NLK: variants seen among roughly 807,000 people sequenced by gnomAD.
NLK encodes the protein nemo like kinase.
NLK carries 11 observed loss-of-function variants against 59.0 expected under a neutral mutation model. The observed-to-expected ratio is 0.19, with a 90% CI of 0.12 to 0.31. The LOEUF is 0.31. Ranked by LOEUF, NLK falls within the 10% of genes least tolerant of loss-of-function variation. NLK has a pLI of 1.00. For missense variants in NLK, 410 were observed against 661.1 expected (o/e 0.62, Z 4.16); for synonymous variants, 235 against 235.9 (o/e 1.00, Z 0.03).
Position 28,111,046 on chromosome 17 carries a change from G to A in NLK, c.459-11557G>A, listed in dbSNP as rs543107727. 1.1e-4 allele frequency among the ~76,000 whole-genome samples: 17 copies of A among 151,908 alleles called. No homozygotes were observed. In the East Asian group the frequency reaches 1.4e-3, roughly 12 times the overall value. ...TTTTTAGTAGAGACGGGGTTTCACCGTTTTAGCCAGGATGGTCTCGATCTC... is the reference window on the plus strand; with the variant it reads ...TTTTTAGTAGAGACGGGGTTTCACCATTTTAGCCAGGATGGTCTCGATCTC... On this transcript the variant is annotated intron_variant, in intron 1 of 10. Coordinates refer to ENST00000407008, the MANE Select transcript of NLK (RefSeq NM_016231.5).
At chr17:28,181,722 A>C (rs1270476618) in intron 7 of NLK, among the ~76,000 whole-genome samples, 3 of 152,112 alleles carry the variant, frequency 2.0e-5, no homozygotes, top group Non-Finnish European at 2.9e-5. Flanking sequence ...CAAGACTCAC[A>C]CAAGGCTGGG....
chr17:28,188,939 G>T (rs1427077110), intron 8 of NLK, among the ~76,000 whole-genome samples: 3 of 151,766 alleles, frequency 2.0e-5, no homozygotes, highest in Non-Finnish European at 1.5e-5. Context: ...CAGTCTAAGA[G>T]CAGGTGTCTG....
At chr17:28,121,453 C>T (rs1906046936) in intron 1 of NLK, among the ~76,000 whole-genome samples, 1 of 145,622 alleles carries the variant, frequency 6.9e-6, no homozygotes, top group Non-Finnish European at 1.5e-5. Flanking sequence ...ACCAATTGGC[C>T]GTGTATACTC....
chr17:28,095,797 A>G (rs1904681212), intron 1 of NLK, among the ~76,000 whole-genome samples: 1 of 152,240 alleles, frequency 6.6e-6, no homozygotes, highest in Non-Finnish European at 1.5e-5. Flanking sequence ...TTACATTAAC[A>G]GTACAACCAG....
chr17:28,105,309 G>T (rs777664414), intron 1 of NLK, among the ~76,000 whole-genome samples: 2 of 152,150 alleles, frequency 1.3e-5, no homozygotes, highest in Admixed American at 6.5e-5. Flanking sequence ...GGTATAACAG[G>T]TGACTTCTCT....
intron 1 of NLK, among the ~76,000 whole-genome samples, chr17:28,108,243 A>G (rs1222980913): frequency 6.6e-6 from 1 of 152,162 alleles, no homozygotes; most frequent in Non-Finnish European, 1.5e-5. Context: ...TAATTAACAT[A>G]CATTCCTGAC....
chr17:28,169,603 C>G (rs543578597), intron 6 of NLK, among the ~76,000 whole-genome samples: 1 of 152,140 alleles, frequency 6.6e-6, no homozygotes, highest in South Asian at 2.1e-4. Flanking sequence ...AATGTAGTAA[C>G]TATGAGCTCA....
In NLK at chr17:28,183,200, C is replaced by T. The variant is rs561413430; in HGVS notation, c.1150-1979C>T. Among the ~76,000 whole-genome samples the T allele has an allele frequency of 7.2e-5, 11 of 152,258 alleles. No individual in the cohort carries two copies. In the East Asian group the frequency reaches 1.9e-3, roughly 27 times the overall value. Reference sequence around the variant, plus strand: ...CTTTAAGAAAAAGAAGAAGCAGCAGCACTTAGAGCTAATGGGAAGAGATCA... The same window carrying T: ...CTTTAAGAAAAAGAAGAAGCAGCAGTACTTAGAGCTAATGGGAAGAGATCA... On this transcript the variant is annotated intron_variant, in intron 7 of 10. Coordinates refer to ENST00000407008, the MANE Select transcript of NLK (RefSeq NM_016231.5).
At chr17:28,176,077 T>C (rs573381623) in intron 7 of NLK, among the ~76,000 whole-genome samples, 1 of 152,306 alleles carries the variant, frequency 6.6e-6, no homozygotes, top group South Asian at 2.1e-4. Context: ...GTGAACTGTA[T>C]AACACTTTAC....
intron 3 of NLK, among the ~76,000 whole-genome samples, chr17:28,137,244 T>C (rs1286934412): frequency 2.0e-5 from 3 of 152,184 alleles, no homozygotes; most frequent in Non-Finnish European, 4.4e-5. Context: ...ATTATGCTTT[T>C]AAGAAACTAT....
intron 8 of NLK, among the ~76,000 whole-genome samples, chr17:28,188,280 A>G (rs1046361661): frequency 6.6e-6 from 1 of 152,254 alleles, no homozygotes; most frequent in African/African-American, 2.4e-5. Flanking sequence ...TCACTGTGTT[A>G]TAAACAAAGC....
At chr17:28,184,998 G>A (rs1429800006) in intron 7 of NLK, among the ~76,000 whole-genome samples, 181 bp from the exon 8 acceptor site, 2 of 151,894 alleles carry the variant, frequency 1.3e-5, no homozygotes, top group African/African-American at 2.4e-5. Flanking sequence ...AAAATGCTAC[G>A]GGAAGTTAGT....
chr17:28,117,843 G>A (rs141477720), intron 1 of NLK, among the ~76,000 whole-genome samples: 59 of 152,180 alleles, frequency 3.9e-4, no homozygotes, highest in African/African-American at 1.3e-3. Flanking sequence ...ATGAGAATCC[G>A]TTTTTTATTT....
At chr17:28,176,731 A>G (rs867355508) in intron 7 of NLK, among the ~76,000 whole-genome samples, 8 of 152,242 alleles carry the variant, frequency 5.3e-5, no homozygotes, top group African/African-American at 1.9e-4. Flanking sequence ...ACAGCAAGTT[A>G]GTTATCTGCA....
At chr17:28,054,890 T>TA (rs1909384587) in intron 1 of NLK, among the ~76,000 whole-genome samples, 1 of 151,986 alleles carries the variant, frequency 6.6e-6, no homozygotes, top group African/African-American at 2.4e-5. Flanking sequence ...CTACAGAAAA[T>TA]AAAAAATAAA....
intron 3 of NLK, among the ~76,000 whole-genome samples, chr17:28,157,444 G>C (rs1321080760): frequency 6.6e-6 from 1 of 152,048 alleles, no homozygotes; most frequent in Non-Finnish European, 1.5e-5. Flanking sequence ...ACCTGCCTCT[G>C]CCTCCCAAAG....
chr17:28,114,807 A>G (rs1399942335), intron 1 of NLK, among the ~76,000 whole-genome samples: 1 of 152,178 alleles, frequency 6.6e-6, no homozygotes, highest in Non-Finnish European at 1.5e-5. Flanking sequence ...GATTGAAAAG[A>G]TATTGTATCT....
rs1196290581 is a variant in NLK at position 28,132,564 on chromosome 17, CG to C, written c.589-55del. The C allele has an allele frequency of 2.2e-6, 3 of 1,347,528 alleles. No individual in the cohort carries two copies. The East Asian group carries it at 7.3e-5, about 33-fold the overall frequency. 83.5% of individuals were successfully genotyped at this position (1,347,528 alleles called of 1,614,324 possible). A position where few individuals can be genotyped will look rare whatever the true frequency, so the allele number is the denominator to read the frequency against. On this transcript the variant is annotated intron_variant, in intron 2 of 10. Transcript: ENST00000407008. ...TGTTAGTATTTACTTGCATTTATGT[CG>C]AATTTTGTTTCCTTTTTTGTTCTCT... is the stretch of plus-strand genomic sequence containing the variant.
chr17:28,100,789 C>T (rs1253774587), intron 1 of NLK, among the ~76,000 whole-genome samples: 5 of 152,072 alleles, frequency 3.3e-5, no homozygotes, highest in African/African-American at 1.2e-4. Flanking sequence ...AACCCAAAGT[C>T]GCAAACATTT....
Sources: allele counts gnomAD v4.1 joint callset (sites outside exome capture counted in the v4.1 genomes callset), GRCh38; gene constraint gnomAD v4.1.1; transcripts MANE v1.5; gene names NCBI Gene and HGNC (gene_info 2026-07-23, HGNC 2026-07-21).